CACNA2D3: variants seen among roughly 807,000 people sequenced by gnomAD.
CACNA2D3 encodes calcium voltage-gated channel auxiliary subunit alpha2delta 3.
CACNA2D3 carries 60 observed loss-of-function variants against 160.6 expected under a neutral mutation model. The observed-to-expected ratio is 0.37, with a 90% CI of 0.30 to 0.46. The LOEUF (loss-of-function observed/expected upper bound fraction) is 0.46. CACNA2D3 is among the 20% of genes least tolerant of loss of function. CACNA2D3 has a pLI of 1.00. For missense variants in CACNA2D3, 1,205 were observed against 1,365.0 expected (o/e 0.88, Z 1.85); for synonymous variants, 558 against 492.9 (o/e 1.13, Z -1.75).
intron 2 of CACNA2D3, among the ~76,000 whole-genome samples, chr3:54,286,422 A>C (rs374803947): frequency 6.6e-6 from 1 of 152,192 alleles, no homozygotes; most frequent in African/African-American, 2.4e-5. Context: ...AGAAATATGG[A>C]ACTATGTGAA....
chr3:54,382,287 A>T (rs1371168871), intron 3 of CACNA2D3, among the ~76,000 whole-genome samples: 2 of 152,218 alleles, frequency 1.3e-5, no homozygotes, highest in African/African-American at 4.8e-5. Context: ...TAACTAAAAT[A>T]TTAGCAAATT....
In CACNA2D3 at chr3:54,848,310, T is replaced by G. The variant is rs1698979060; in HGVS notation, c.1626+1843T>G. Reference sequence around the variant, plus strand: ...TTCATCTCCTAAGAGTACAGATACTTGTAAACACATGCCATTGCTGTTCTT... The same window carrying G: ...TTCATCTCCTAAGAGTACAGATACTGGTAAACACATGCCATTGCTGTTCTT... On this transcript the variant is annotated intron_variant, in intron 17 of 37. Transcript: ENST00000474759. Among the ~76,000 whole-genome samples the G allele has an allele frequency of 1.3e-5, 2 of 152,244 alleles. 1 individual carries two copies. Among genetic ancestry groups the G allele is most frequent in the Admixed American group, 1.3e-4 (2 of 15,286 alleles).
chr3:54,611,955 C>T (rs1198894947), intron 9 of CACNA2D3, among the ~76,000 whole-genome samples: 1 of 152,204 alleles, frequency 6.6e-6, no homozygotes, highest in Non-Finnish European at 1.5e-5. Context: ...TGGTGCTGTA[C>T]ACATTTGCAC....
chr3:55,012,797 C>T (rs1014712174), intron 34 of CACNA2D3, among the ~76,000 whole-genome samples: 2 of 151,996 alleles, frequency 1.3e-5, no homozygotes, highest in African/African-American at 4.8e-5. Flanking sequence ...GTTGAGAAAC[C>T]GTGGCCTAGA....
At position 54,517,852 on chromosome 3, in the gene CACNA2D3, C is replaced by T. The variant is rs6791313; in HGVS notation, c.544+14198C>T. 6.3e-3 allele frequency among the ~76,000 whole-genome samples: 955 copies of T among 152,162 alleles called. 8 individuals carry two copies. Among genetic ancestry groups the T allele is most frequent in the African/African-American group, 0.022 (923 of 41,496 alleles). ...CTTGGAAGCTGGCTGACAAGGCTTC[C>T]AGGGCTGTCTCATAGCCAGTGGACC... is the stretch of plus-strand genomic sequence containing the variant. On this transcript the variant is annotated intron_variant, in intron 5 of 37. Transcript: ENST00000474759.
In CACNA2D3 at chr3:54,681,747, C is replaced by T. The variant is rs143313871; in HGVS notation, c.1167+39506C>T. 2.6e-3 allele frequency among the ~76,000 whole-genome samples: 390 copies of T among 152,194 alleles called. 1 individual carries two copies. Among genetic ancestry groups the T allele is most frequent in the African/African-American group, 8.5e-3 (355 of 41,532 alleles). The stretch of plus-strand genomic sequence containing the variant: ...CACCCAGGCTGGTGTGATGCAATCT[C>T]GGCTCACTGCAACCTCTGCCTCCTG... On this transcript the variant is annotated intron_variant, in intron 11 of 37. Transcript: ENST00000474759.
chr3:54,313,437 T>G (rs1204782665), intron 2 of CACNA2D3, among the ~76,000 whole-genome samples: 1 of 152,120 alleles, frequency 6.6e-6, no homozygotes, highest in Non-Finnish European at 1.5e-5. Context: ...AGTACAGACC[T>G]GATCACTGAT....
At chr3:54,648,684 G>T (rs1309409408) in intron 11 of CACNA2D3, among the ~76,000 whole-genome samples, 4 of 152,234 alleles carry the variant, frequency 2.6e-5, no homozygotes, top group African/African-American at 9.6e-5. Flanking sequence ...GAAAAGAGGT[G>T]TATATGGCAC....
intron 11 of CACNA2D3, among the ~76,000 whole-genome samples, chr3:54,693,068 C>G (rs72872213): frequency 0.016 from 2,455 of 151,978 alleles, 72 homozygotes; most frequent in African/African-American, 0.057. Flanking sequence ...AAAAAAGCCC[C>G]AAAGTTGTGT....
At chr3:54,884,195 C>A (rs1423521813) in intron 21 of CACNA2D3, among the ~76,000 whole-genome samples, 1 of 152,192 alleles carries the variant, frequency 6.6e-6, no homozygotes, top group Non-Finnish European at 1.5e-5. Flanking sequence ...GGACTAATCC[C>A]TGTCCCATTT....
chr3:54,792,108 G>T (rs983443209), intron 13 of CACNA2D3, among the ~76,000 whole-genome samples: 1 of 152,298 alleles, frequency 6.6e-6, no homozygotes, highest in South Asian at 2.1e-4. Context: ...TCCATGGTTC[G>T]TGACAGCTCC....
At position 54,192,196 on chromosome 3, in the gene CACNA2D3, A is replaced by G. The variant is rs536604400; in HGVS notation, c.204+68602A>G. ...GTCCTTCATCCTCCCACTTCCAGAAAGTTCTTTTAATGACTGCTTGGGGGT... is the reference window on the plus strand; with the variant it reads ...GTCCTTCATCCTCCCACTTCCAGAAGGTTCTTTTAATGACTGCTTGGGGGT... On this transcript the variant is annotated intron_variant, in intron 2 of 37. Transcript: ENST00000474759. Among the ~76,000 whole-genome samples the G allele has an allele frequency of 5.3e-5, 8 of 152,060 alleles. No homozygotes were observed. The South Asian group carries it at 1.2e-3, about 24-fold the overall frequency.
At chr3:54,748,500 G>A (rs1701798364) in intron 11 of CACNA2D3, among the ~76,000 whole-genome samples, 8 of 151,886 alleles carry the variant, frequency 5.3e-5, no homozygotes, top group Admixed American at 5.2e-4. Flanking sequence ...GCTTAATTGG[G>A]TTTGTAGAAC....
intron 30 of CACNA2D3, among the ~76,000 whole-genome samples, chr3:54,987,426 A>G (rs1440153907): frequency 1.3e-5 from 2 of 152,138 alleles, no homozygotes; most frequent in Admixed American, 6.5e-5. Context: ...ATGTGTGTGC[A>G]TGCGTGTTTT....
At chr3:54,134,833 A>C (rs1330928195) in intron 2 of CACNA2D3, among the ~76,000 whole-genome samples, 1 of 152,206 alleles carries the variant, frequency 6.6e-6, no homozygotes, top group Non-Finnish European at 1.5e-5. Context: ...CTCCCCCAGA[A>C]GCATCCAGTT....
intron 2 of CACNA2D3, among the ~76,000 whole-genome samples, chr3:54,216,934 A>G (rs1701473646): frequency 6.6e-6 from 1 of 152,134 alleles, no homozygotes; most frequent in Non-Finnish European, 1.5e-5. Flanking sequence ...GGGGAGATAA[A>G]GAAGAACTAA....
intron 2 of CACNA2D3, among the ~76,000 whole-genome samples, chr3:54,256,474 GC>G (rs1024247780): frequency 1.4e-4 from 22 of 152,180 alleles, no homozygotes; most frequent in African/African-American, 5.1e-4. Flanking sequence ...CCGTATAGGG[GC>G]TGTCCTGGAT....
At chr3:54,328,627 C>T (rs2107515338) in intron 3 of CACNA2D3, among the ~76,000 whole-genome samples, 1 of 152,264 alleles carries the variant, frequency 6.6e-6, no homozygotes, top group East Asian at 1.9e-4. Flanking sequence ...CAGTGGGTCC[C>T]TCCGGCTCCT....
intron 4 of CACNA2D3, among the ~76,000 whole-genome samples, chr3:54,481,758 A>C (rs1417402073): frequency 6.6e-6 from 1 of 152,178 alleles, no homozygotes; most frequent in Non-Finnish European, 1.5e-5. Context: ...ATTAATGTGG[A>C]GCTTTCTGAG....
Sources: allele counts gnomAD v4.1 joint callset (sites outside exome capture counted in the v4.1 genomes callset), GRCh38; gene constraint gnomAD v4.1.1; transcripts MANE v1.5; gene names NCBI Gene and HGNC (gene_info 2026-07-23, HGNC 2026-07-21).